The following DPF3 variants were observed in gnomAD, a reference collection of about 807,000 sequenced individuals.
DPF3 encodes double PHD fingers 3, also known as zinc finger protein DPF3.
In DPF3, 18 loss-of-function variants were observed where a neutral mutation model predicts 56.8. The ratio of observed to expected loss-of-function variants is 0.32; its 90% CI spans 0.22 to 0.47. DPF3 has a LOEUF of 0.47. DPF3 is among the 20% of genes least tolerant of loss of function. DPF3 has a pLI of 1.00. For missense variants in DPF3, 403 were observed against 488.8 expected (o/e 0.82, Z 1.65); for synonymous variants, 188 against 180.2 (o/e 1.04, Z -0.35).
intron 7 of DPF3, chr14:72,679,308 A>G (rs1280764372): frequency 6.6e-6 from 1 of 152,344 alleles, no homozygotes; most frequent in Non-Finnish European, 1.5e-5. Flanking sequence ...ATCCTAGGGA[A>G]CAGGAAACTG....
chr14:72,836,025 C>G (rs1292410808), intron 1 of DPF3: 7 of 985,058 alleles, frequency 7.1e-6, no homozygotes, highest in Non-Finnish European at 8.4e-6. Context: ...GCCGTCACCA[C>G]ACGGGTGCCT....
intron 1 of DPF3, among the ~76,000 whole-genome samples, chr14:72,827,487 TC>T (rs1288429191): frequency 2.0e-4 from 25 of 125,998 alleles, no homozygotes; most frequent in African/African-American, 7.3e-4. Context: ...TTCCCTTTAC[TC>T]TTTTTTTTTT....
chr14:72,867,498 C>T (rs564241962), intron 1 of DPF3, among the ~76,000 whole-genome samples: 1 of 152,242 alleles, frequency 6.6e-6, no homozygotes, highest in Middle Eastern at 3.4e-3. Flanking sequence ...GAACCTTCTC[C>T]CTCTCTGGCC....
At chr14:72,661,586 G>T (rs1363770416) in intron 8 of DPF3, 5 of 985,366 alleles carry the variant, frequency 5.1e-6, no homozygotes, top group Admixed American at 6.1e-5. Context: ...CAGACACAGC[G>T]CCGAGATACA....
At chr14:72,690,827 G>A (rs1887648462) in intron 7 of DPF3, among the ~76,000 whole-genome samples, 1 of 152,142 alleles carries the variant, frequency 6.6e-6, no homozygotes, top group Non-Finnish European at 1.5e-5. Flanking sequence ...AGGTTACCAA[G>A]CTAATAAACA....
intron 5 of DPF3, among the ~76,000 whole-genome samples, chr14:72,717,924 C>T (rs1389080787): frequency 6.6e-6 from 1 of 152,230 alleles, no homozygotes; most frequent in African/African-American, 2.4e-5. Context: ...CATGAGTGTA[C>T]CACATGGCCC....
intron 1 of DPF3, among the ~76,000 whole-genome samples, chr14:72,862,044 T>G (rs1208507945): frequency 1.3e-5 from 2 of 152,194 alleles, no homozygotes; most frequent in Non-Finnish European, 2.9e-5. Context: ...CCTAGCACAA[T>G]GCCTCCCATG....
At chr14:72,653,618 G>A (rs185348178) in intron 8 of DPF3, among the ~76,000 whole-genome samples, 18 of 152,342 alleles carry the variant, frequency 1.2e-4, no homozygotes, top group African/African-American at 4.3e-4. Flanking sequence ...TCTAGATAGA[G>A]GGTGCTTTTT....
At chr14:72,757,535 A>G (rs1054625368) in intron 2 of DPF3, among the ~76,000 whole-genome samples, 9 of 152,152 alleles carry the variant, frequency 5.9e-5, no homozygotes, top group African/African-American at 2.2e-4. Context: ...AAGAGGAATA[A>G]GAGTTGTAGG....
chr14:72,894,012 A>C (rs1472682265), intron 1 of DPF3, 45 bp downstream of exon 1: 1 of 1,601,868 alleles, frequency 6.2e-7, no homozygotes, highest in East Asian at 2.2e-5. Flanking sequence ...CTTTTTTTTC[A>C]TATTGAAACC....
rs745973489 is a variant in DPF3, at chr14:72,619,294, G to A, written c.*3C>T. 4 of 1,536,044 alleles carry A rather than the reference G, an allele frequency of 2.6e-6. No individual in the cohort carries two copies. The highest frequency in any genetic ancestry group is 3.5e-6 in the Non-Finnish European group (4 of 1,146,868). On this transcript the variant is annotated 3_prime_UTR_variant, in exon 11 of 11. Transcript: ENST00000556509. ...AGCGAGTCACATTCTGTGACCTGGG[G>A]CCCTAGGCCTGGCAGCCAAAGGCTG... is the stretch of plus-strand genomic sequence containing the variant.
chr14:72,792,594 C>T (rs1033421439), intron 1 of DPF3, among the ~76,000 whole-genome samples: 1 of 152,094 alleles, frequency 6.6e-6, no homozygotes, highest in African/African-American at 2.4e-5. Flanking sequence ...CACAGCCTCC[C>T]GACCTTGGTC....
intron 6 of DPF3, among the ~76,000 whole-genome samples, chr14:72,695,913 T>C (rs1172428529): frequency 1.3e-5 from 2 of 152,114 alleles, no homozygotes; most frequent in Non-Finnish European, 2.9e-5. Context: ...CTCATAAATA[T>C]TGTAAAAAAA....
chr14:72,611,521 C>T lies in DPF3; in HGVS notation c.*7776G>A, dbSNP rs551911391. 1.3e-5 allele frequency among the ~76,000 whole-genome samples: 2 copies of T among 152,192 alleles called. No homozygotes were observed. Among genetic ancestry groups the T allele is most frequent in the South Asian group, 4.1e-4 (2 of 4,828 alleles). The stretch of plus-strand genomic sequence containing the variant: ...TCTGTACTTGAAGCCCCCACCCCCC[C>T]AGTCCCGCTCTCTGCTTTCTCTAGC... On this transcript the variant is annotated 3_prime_UTR_variant, in exon 11 of 11. Coordinates refer to ENST00000556509, the MANE Select transcript of DPF3 (RefSeq NM_001280542.3).
chr14:72,757,767 A>G lies in DPF3; in HGVS notation c.194-4396T>C, dbSNP rs368145190. 2.0e-5 allele frequency among the ~76,000 whole-genome samples: 3 copies of G among 152,344 alleles called. No individual in the cohort carries two copies. In the South Asian group the frequency reaches 6.2e-4, roughly 32 times the overall value. On this transcript the variant is annotated intron_variant, in intron 2 of 10. Transcript: ENST00000556509. Reference sequence around the variant, plus strand: ...ATATGCAAATACTATGCCATTTTATATAAGGGACTTGAGTACCCACAGATT... The same window carrying G: ...ATATGCAAATACTATGCCATTTTATGTAAGGGACTTGAGTACCCACAGATT...
chr14:72,757,343 G>T lies in DPF3; in HGVS notation c.194-3972C>A, dbSNP rs116148633. On this transcript the variant is annotated intron_variant, in intron 2 of 10. Transcript: ENST00000556509. ...TCACAGGACACAGTGTCCCACTGTC[G>T]GCCAACTCTTACTGTGATAAAGAGA... is the stretch of plus-strand genomic sequence containing the variant. 5.3e-3 allele frequency among the ~76,000 whole-genome samples: 801 copies of T among 152,098 alleles called. 11 individuals are homozygous for T. Among genetic ancestry groups the T allele is most frequent in the African/African-American group, 0.019 (770 of 41,466 alleles).
At chr14:72,775,130 C>T (rs941145355) in intron 1 of DPF3, among the ~76,000 whole-genome samples, 4 of 152,010 alleles carry the variant, frequency 2.6e-5, no homozygotes. Context: ...GAGCAGCAAT[C>T]TGTTTTCCCA....
intron 3 of DPF3, among the ~76,000 whole-genome samples, chr14:72,746,216 C>T (rs914192952): frequency 6.6e-6 from 1 of 152,256 alleles, no homozygotes; most frequent in Non-Finnish European, 1.5e-5. Flanking sequence ...TGCAAACTTG[C>T]ATCACCTCTG....
At chr14:72,761,060 CA>C (rs1199141602) in intron 2 of DPF3, among the ~76,000 whole-genome samples, 1 of 151,838 alleles carries the variant, frequency 6.6e-6, no homozygotes, top group Non-Finnish European at 1.5e-5. Context: ...CACCTAATAA[CA>C]AAGCTTCAAT....
Sources: gnomAD v4.1 joint callset for allele counts (sites outside exome capture counted in the v4.1 genomes callset) on GRCh38, gnomAD v4.1.1 for gene constraint, MANE v1.5 for transcripts, NCBI Gene and HGNC (gene_info 2026-07-23, HGNC 2026-07-21) for gene names.